The following SPESP1 variants were observed in gnomAD, a reference collection of about 807,000 sequenced individuals.
The protein encoded by SPESP1 is sperm equatorial segment protein 1.
Under a neutral mutation model 3.1 loss-of-function variants are expected in SPESP1, and 1 was observed. The observed-to-expected ratio is 0.33, with a 90% CI of 0.12 to 1.54. The LOEUF (loss-of-function observed/expected upper bound fraction) is 1.54, where lower values mean the gene tolerates loss of function less well. Among genes scored for constraint, SPESP1 ranks in the 40% most tolerant of loss-of-function variants. The pLI is 0.38. For missense variants in SPESP1, 398 were observed against 410.1 expected, an observed-to-expected ratio of 0.97 and a Z score of 0.26; for synonymous variants, 138 against 150.7, an observed-to-expected ratio of 0.92 and a Z score of 0.62.
In SPESP1 at chr15:68,946,469, A is replaced by G; in HGVS notation, c.935A>G (p.Glu312Gly). 1.2e-6 allele frequency: 2 copies of G among 1,613,810 alleles called. No homozygotes were observed. The highest frequency in any genetic ancestry group is 1.7e-6 in the Non-Finnish European group (2 of 1,179,942). Reference protein sequence around the residue: ...MLCNSRSKLYEYLDIKCVPPE... With the variant: ...MLCNSRSKLYGYLDIKCVPPE... Reference sequence around the variant, plus strand: ...TGTAATTCTAGATCTAAACTCTATGAATATTTAGATATTAAATGTGTTCCA... The same window carrying G: ...TGTAATTCTAGATCTAAACTCTATGGATATTTAGATATTAAATGTGTTCCA... Residue 312 changes from glutamate to glycine, a missense_variant, in exon 2 of 2, where the codon GAA (glutamate) becomes GGA (glycine). Glu to Gly is a moderately conservative substitution (Grantham distance 98). Coordinates refer to ENST00000310673, the MANE Select transcript of SPESP1 (RefSeq NM_145658.4).
chr15:68,931,817 C>T (rs1358868233), intron 1 of SPESP1, among the ~76,000 whole-genome samples: 2 of 152,166 alleles, frequency 1.3e-5, no homozygotes, highest in Non-Finnish European at 2.9e-5. Context: ...AACTGTAGTT[C>T]ATTGTGGCAT....
Position 68,945,707 on chromosome 15 carries a change from C to G in SPESP1, c.173C>G (p.Ser58Cys). 6.2e-7 allele frequency: 1 copy of G among 1,614,038 alleles called. No individual in the cohort carries two copies. The highest frequency in any genetic ancestry group is 8.5e-7 in the Non-Finnish European group (1 of 1,179,984). ...GGGGAGCCAGGTCGTGAGAAAAAATCTAACTCTCCAAAACATGTTTATTCT... is the reference window on the plus strand; with the variant it reads ...GGGGAGCCAGGTCGTGAGAAAAAATGTAACTCTCCAAAACATGTTTATTCT... Reference protein sequence around the residue: ...PSGEPGREKKSNSPKHVYSIA... With the variant: ...PSGEPGREKKCNSPKHVYSIA... Residue 58 changes from serine to cysteine, a missense_variant, in exon 2 of 2, where the codon TCT becomes TGT. By Grantham distance (112) the Ser-to-Cys change is moderately radical (BLOSUM62 -1). Transcript: ENST00000310673.
intron 1 of SPESP1, among the ~76,000 whole-genome samples, chr15:68,931,468 C>T (rs1303668069): frequency 6.6e-6 from 1 of 152,070 alleles, no homozygotes; most frequent in African/African-American, 2.4e-5. Context: ...GTCTGGTCTG[C>T]AAAGACTGAA....
At chr15:68,934,522 A>T (rs1258135994) in intron 1 of SPESP1, among the ~76,000 whole-genome samples, 1 of 152,192 alleles carries the variant, frequency 6.6e-6, no homozygotes, top group African/African-American at 2.4e-5. Context: ...GTTTGAGATA[A>T]TGAGGAGCAT....
chr15:68,938,119 T>C (rs1191926604), intron 1 of SPESP1, among the ~76,000 whole-genome samples: 1 of 152,202 alleles, frequency 6.6e-6, no homozygotes, highest in Non-Finnish European at 1.5e-5. Flanking sequence ...TAGCTGGGAC[T>C]ACAGGTGCAT....
Position 68,946,432 on chromosome 15 carries a change from A to G in SPESP1, c.898A>G (p.Ile300Val), listed in dbSNP as rs773545075. Residue 300 changes from isoleucine to valine, a missense_variant, in exon 2 of 2, where the codon ATT becomes GTT. Transcript: ENST00000310673. ...SNKIDDIETV[I>V]NMLCNSRSKL... ...TAAAATTGATGACATCGAAACTGTT[A>G]TTAACATGCTGTGTAATTCTAGATC... 12 of 1,614,018 alleles carry G rather than the reference A, an allele frequency of 7.4e-6. No homozygotes were observed. Among genetic ancestry groups the G allele is most frequent in the Non-Finnish European group, 1.0e-5 (12 of 1,180,024 alleles).
chr15:68,932,945 G>T (rs1223436568), intron 1 of SPESP1, among the ~76,000 whole-genome samples: 1 of 152,144 alleles, frequency 6.6e-6, no homozygotes, highest in Non-Finnish European at 1.5e-5. Context: ...TGCTTTCTCT[G>T]TATCTGTCTC....
chr15:68,945,721 C>A lies in SPESP1; in HGVS notation c.187C>A (p.His63Asn), dbSNP rs1895941179. ...GREKKSNSPK[H>N]VYSIASKGSK... ...TGAGAAAAAATCTAACTCTCCAAAA[C>A]ATGTTTATTCTATAGCATCAAAGGG... The change falls in exon 2 of 2, where the codon CAT (histidine) becomes AAT (asparagine). Residue 63 changes from histidine (H) to asparagine (N), a missense_variant. Physicochemically the swap from His to Asn is moderately conservative, Grantham distance 68. Transcript: ENST00000310673. The A allele has an allele frequency of 6.2e-7, 1 of 1,614,062 alleles. No individual in the cohort carries two copies. Among genetic ancestry groups the A allele is most frequent in the African/African-American group, 1.3e-5 (1 of 75,030 alleles).
intron 1 of SPESP1, among the ~76,000 whole-genome samples, chr15:68,940,472 C>T (rs1895789978): frequency 6.6e-6 from 1 of 152,092 alleles, no homozygotes; most frequent in Non-Finnish European, 1.5e-5. Flanking sequence ...GATTGTCTTT[C>T]TCTTTTTCCA....
chr15:68,945,879 C>A lies in SPESP1; in HGVS notation c.345C>A (p.His115Gln). ...CACCGGAAATAGGAAAGAAAAAACA[C>A]ACGGAAAGTACCCCATTCTGGTCGA... ...GFTPEIGKKK[H>Q]TESTPFWSIK... Residue 115 changes from histidine (H) to glutamine (Q), a missense_variant, in exon 2 of 2, where the codon CAC becomes CAA. His to Gln is a conservative substitution (Grantham distance 24). Transcript: ENST00000310673. The A allele has an allele frequency of 6.2e-7, 1 of 1,614,096 alleles. No homozygotes were observed. The highest frequency in any genetic ancestry group is 8.5e-7 in the Non-Finnish European group (1 of 1,180,012).
intron 1 of SPESP1, among the ~76,000 whole-genome samples, chr15:68,937,559 C>T (rs1461907403): frequency 1.3e-5 from 2 of 151,360 alleles, no homozygotes; most frequent in Non-Finnish European, 2.9e-5. Flanking sequence ...CATAGGCATA[C>T]GTGTGCCATG....
Position 68,930,713 on chromosome 15 carries a change from T to C in SPESP1, c.60T>C (p.Tyr20=). The change falls in exon 1 of 2, where the codon TAT becomes TAC. Residue 20 remains tyrosine (Y), a synonymous_variant. Coordinates refer to ENST00000310673, the MANE Select transcript of SPESP1 (RefSeq NM_145658.4). ...LLLWPSSVPA[Y]PSITVTPDEE... Reference sequence around the variant, plus strand: ...TATGGCCTTCGTCTGTGCCGGCTTATCCGAGTGAGTGACGGGCCTGAGGAG... The same window carrying C: ...TATGGCCTTCGTCTGTGCCGGCTTACCCGAGTGAGTGACGGGCCTGAGGAG... 6.2e-7 allele frequency: 1 copy of C among 1,613,958 alleles called. No homozygotes were observed. Among genetic ancestry groups the C allele is most frequent in the Non-Finnish European group, 8.5e-7 (1 of 1,179,866 alleles).
At chr15:68,939,245 A>G (rs1217151968) in intron 1 of SPESP1, among the ~76,000 whole-genome samples, 1 of 152,234 alleles carries the variant, frequency 6.6e-6, no homozygotes, top group African/African-American at 2.4e-5. Flanking sequence ...GTTCTAGGAC[A>G]TTGCCATGTT....
At chr15:68,943,244 C>T (rs1442667459) in intron 1 of SPESP1, among the ~76,000 whole-genome samples, 1 of 152,074 alleles carries the variant, frequency 6.6e-6, no homozygotes, top group African/African-American at 2.4e-5. Flanking sequence ...AAAAAATCTG[C>T]AGTTCACAGA....
chr15:68,938,809 A>G (rs754569759), intron 1 of SPESP1, among the ~76,000 whole-genome samples: 9 of 152,194 alleles, frequency 5.9e-5, no homozygotes, highest in Non-Finnish European at 1.0e-4. Context: ...TAAGTTGAAT[A>G]TAATCTTAAG....
chr15:68,944,932 C>T (rs769259269), intron 1 of SPESP1, among the ~76,000 whole-genome samples: 22 of 151,980 alleles, frequency 1.4e-4, no homozygotes, highest in East Asian at 3.9e-4. Context: ...ATTTACATGG[C>T]GTAGATACTC....
At position 68,945,592 on chromosome 15, in the gene SPESP1, C is replaced by T. The variant is rs1895936892; in HGVS notation, c.65-7C>T. ...TACTTATTATTTATTTGATTTTTTCCCTGAAGGCATAACTGTGACACCTGA... is the reference window on the plus strand; with the variant it reads ...TACTTATTATTTATTTGATTTTTTCTCTGAAGGCATAACTGTGACACCTGA... On this transcript the variant is annotated splice_region_variant and splice_polypyrimidine_tract_variant and intron_variant, in intron 1 of 1. Transcript: ENST00000310673. The T allele has an allele frequency of 5.9e-6, 9 of 1,514,748 alleles. No individual in the cohort carries two copies. The highest frequency in any genetic ancestry group is 2.8e-5 in the South Asian group (2 of 71,088). 93.8% of individuals were successfully genotyped at this position (1,514,748 alleles called of 1,614,324 possible).
chr15:68,945,783 T>G lies in SPESP1; in HGVS notation c.249T>G (p.Ala83=). The change falls in exon 2 of 2, where the codon GCT becomes GCG. Residue 83 remains alanine, a synonymous_variant. Transcript: ENST00000310673. ...AGGAGCTAGTTACACATGGAGACGC[T>G]TCAACTGAGAATGATGTTTTAACCA... ...KFKELVTHGD[A]STENDVLTNP... The G allele has an allele frequency of 6.2e-7, 1 of 1,614,004 alleles. No homozygotes were observed. Among genetic ancestry groups the G allele is most frequent in the Non-Finnish European group, 8.5e-7 (1 of 1,179,970 alleles).
rs746675218 is a variant in SPESP1, at chr15:68,946,167, C to G, written c.633C>G (p.Pro211=). 1 of 1,614,036 alleles carries G rather than the reference C, an allele frequency of 6.2e-7. No homozygotes were observed. Among genetic ancestry groups the G allele is most frequent in the Non-Finnish European group, 8.5e-7 (1 of 1,180,012 alleles). Residue 211 remains proline (P), a synonymous_variant, in exon 2 of 2, where the codon CCC becomes CCG. Transcript: ENST00000310673. The part of the protein sequence containing the change: ...QLSGETAIEK[P]EEFGKHPESW... ...CAGGTGAAACTGCGATAGAAAAACC[C>G]GAAGAGTTTGGAAAGCACCCAGAGA...
Sources: gnomAD v4.1 joint callset for allele counts (sites outside exome capture counted in the v4.1 genomes callset) on GRCh38, gnomAD v4.1.1 for gene constraint, MANE v1.5 for transcripts, NCBI Gene and HGNC (gene_info 2026-07-23, HGNC 2026-07-21) for gene names.